COL21A1: variants seen among roughly 807,000 people sequenced by gnomAD.
The protein encoded by COL21A1 is collagen alpha-1(XXI) chain.
COL21A1 carries 149 observed loss-of-function variants against 137.9 expected under a neutral mutation model. That is an observed-to-expected ratio of 1.08 (90% CI 0.95 to 1.24). The LOEUF (loss-of-function observed/expected upper bound fraction) is 1.24. COL21A1 is among the 50% of genes most tolerant of loss of function. The pLI is 0.00. For synonymous variants in COL21A1, 456 were observed against 391.5 expected (o/e 1.16, Z -1.95); for missense variants, 1,167 against 1,158.4 (o/e 1.01, Z -0.11).
At chr6:56,229,814 T>C (rs1052725886) in intron 1 of COL21A1, among the ~76,000 whole-genome samples, 5 of 151,978 alleles carry the variant, frequency 3.3e-5, no homozygotes, top group Admixed American at 1.3e-4. Flanking sequence ...ACTGTGTACC[T>C]GAAATTTATT....
chr6:56,265,030 C>G (rs954656309), intron 1 of COL21A1, among the ~76,000 whole-genome samples: 1 of 152,196 alleles, frequency 6.6e-6, no homozygotes, highest in African/African-American at 2.4e-5. Context: ...ATACCAAGAT[C>G]TCATTTCACA....
chr6:56,294,229 GAAT>G (rs1764115514), intron 1 of COL21A1, among the ~76,000 whole-genome samples: 1 of 152,056 alleles, frequency 6.6e-6, no homozygotes. Flanking sequence ...CTGCCTTTGT[GAAT>G]TTATTGCATT....
intron 24 of COL21A1, among the ~76,000 whole-genome samples, chr6:56,064,178 A>T (rs1766041326): frequency 6.6e-6 from 1 of 152,106 alleles, no homozygotes. Flanking sequence ...AAACAAGTAC[A>T]TTTCTCCACC....
intron 9 of COL21A1, among the ~76,000 whole-genome samples, chr6:56,158,185 CGTAA>C (rs1321106918): frequency 4.6e-5 from 7 of 150,726 alleles, no homozygotes; most frequent in East Asian, 1.9e-4. Context: ...AAGTCACTGC[CGTAA>C]GTATCAGGGT....
chr6:56,272,882 A>T (rs1381257102), intron 1 of COL21A1, among the ~76,000 whole-genome samples: 1 of 152,196 alleles, frequency 6.6e-6, no homozygotes, highest in Non-Finnish European at 1.5e-5. Context: ...TGTGTCAATT[A>T]AACCTTTTTT....
At chr6:56,141,122 G>A (rs1035097958) in intron 12 of COL21A1, among the ~76,000 whole-genome samples, 1 of 152,080 alleles carries the variant, frequency 6.6e-6, no homozygotes, top group Non-Finnish European at 1.5e-5. Context: ...TCAGTATGTT[G>A]GGGAGATATT....
intron 1 of COL21A1, among the ~76,000 whole-genome samples, chr6:56,327,274 ATG>A (rs1023464699): frequency 2.4e-4 from 37 of 152,052 alleles, no homozygotes; most frequent in African/African-American, 8.7e-4. Flanking sequence ...AATATTTAAA[ATG>A]TTAAAAAATT....
intron 1 of COL21A1, among the ~76,000 whole-genome samples, chr6:56,202,511 C>T (rs1002498048): frequency 5.3e-5 from 8 of 151,994 alleles, no homozygotes; most frequent in Admixed American, 1.3e-4. Context: ...TGGTTTAATT[C>T]GATCTTTTTC....
chr6:56,366,140 T>C (rs1356655703), intron 1 of COL21A1, among the ~76,000 whole-genome samples: 1 of 151,958 alleles, frequency 6.6e-6, no homozygotes, highest in East Asian at 1.9e-4. Context: ...TTAGATTTGA[T>C]AGAGGGAAAG....
At chr6:56,089,387 TTATAG>T (rs1421355335) in intron 17 of COL21A1, among the ~76,000 whole-genome samples, 1 of 152,202 alleles carries the variant, frequency 6.6e-6, no homozygotes, top group Non-Finnish European at 1.5e-5. Flanking sequence ...TAAATTTTTA[TTATAG>T]TAAATAATAC....
chr6:56,126,176 A>C, intron 12 of COL21A1, 27 bp from the exon 13 acceptor site: 2 of 1,477,934 alleles, frequency 1.4e-6, no homozygotes, highest in Non-Finnish European at 9.2e-7. Context: ...AATTAATTAC[A>C]AAGAAAAACC....
chr6:56,313,409 A>C, intron 1 of COL21A1, among the ~76,000 whole-genome samples: 1 of 152,108 alleles, frequency 6.6e-6, no homozygotes, highest in East Asian at 1.9e-4. Flanking sequence ...CCAAAACAGT[A>C]GAAATTTATT....
chr6:56,110,796 G>C (rs1771359011), intron 16 of COL21A1, among the ~76,000 whole-genome samples: 1 of 151,960 alleles, frequency 6.6e-6, no homozygotes, highest in Non-Finnish European at 1.5e-5. Context: ...TGAAAACTAT[G>C]AAACTTTGCT....
intron 1 of COL21A1, among the ~76,000 whole-genome samples, chr6:56,278,458 C>T (rs1159282001): frequency 6.6e-6 from 1 of 152,124 alleles, no homozygotes; most frequent in Non-Finnish European, 1.5e-5. Context: ...TCTGTGTGGC[C>T]TGTGGAGGGG....
At chr6:56,222,891 A>G (rs1236910857) in intron 1 of COL21A1, among the ~76,000 whole-genome samples, 1 of 152,108 alleles carries the variant, frequency 6.6e-6, no homozygotes, top group Non-Finnish European at 1.5e-5. Flanking sequence ...ATGGAGGGTG[A>G]GTGGATTAAT....
At chr6:56,299,587 A>T (rs7773611) in intron 1 of COL21A1, among the ~76,000 whole-genome samples, 68,231 of 151,984 alleles carry the variant, frequency 0.45, 17,260 homozygotes, top group East Asian at 0.77. Context: ...ATACAGACTC[A>T]TATGAAAAAA....
chr6:56,260,389 C>A (rs1047045584), intron 1 of COL21A1, among the ~76,000 whole-genome samples: 1 of 151,706 alleles, frequency 6.6e-6, no homozygotes, highest in Non-Finnish European at 1.5e-5. Flanking sequence ...TTGGGACCAG[C>A]CTGGCGAAAC....
chr6:56,337,280 C>T (rs1221639073), intron 1 of COL21A1, among the ~76,000 whole-genome samples: 4 of 152,200 alleles, frequency 2.6e-5, no homozygotes, highest in African/African-American at 9.7e-5. Context: ...TCAACAGCAA[C>T]TTCTACCATT....
At chr6:56,062,474 T>C (rs1474154319) in intron 24 of COL21A1, among the ~76,000 whole-genome samples, 1 of 152,154 alleles carries the variant, frequency 6.6e-6, no homozygotes, top group Non-Finnish European at 1.5e-5. Flanking sequence ...AATCTCCTAA[T>C]ATTCACTCAG....
Sources: gnomAD v4.1 joint callset for allele counts (sites outside exome capture counted in the v4.1 genomes callset) on GRCh38, gnomAD v4.1.1 for gene constraint, MANE v1.5 for transcripts, NCBI Gene and HGNC (gene_info 2026-07-23, HGNC 2026-07-21) for gene names.